Variants in RELN observed in about 807,000 individuals in gnomAD.
RELN encodes reelin.
A neutral mutation model predicts 427.6 loss-of-function variants in RELN; 108 were observed. The ratio of observed to expected loss-of-function variants is 0.25; its 90% CI spans 0.22 to 0.30. The LOEUF is 0.30. Ranked by LOEUF, RELN falls within the 10% of genes least tolerant of loss-of-function variation. The pLI, the probability that RELN is intolerant of heterozygous loss-of-function variation, is 1.00. For missense variants in RELN, 3,715 were observed against 4,302.8 expected, an observed-to-expected ratio of 0.86 and a Z score of 3.82; for synonymous variants, 1,524 against 1,513.4, an observed-to-expected ratio of 1.01 and a Z score of -0.16.
chr7:103,868,463 T>C (rs1794252249), intron 2 of RELN, among the ~76,000 whole-genome samples: 1 of 152,118 alleles, frequency 6.6e-6, no homozygotes, highest in Non-Finnish European at 1.5e-5. Flanking sequence ...TGAAATTGTT[T>C]CCACATCATT....
At chr7:103,916,915 A>G (rs917024765) in intron 2 of RELN, among the ~76,000 whole-genome samples, 160 bp downstream of exon 2, 12 of 152,142 alleles carry the variant, frequency 7.9e-5, no homozygotes, top group African/African-American at 2.9e-4. Context: ...ACTTATTTCA[A>G]TTCACCCAAC....
intron 7 of RELN, among the ~76,000 whole-genome samples, chr7:103,726,537 G>A (rs1334637358): frequency 1.3e-5 from 2 of 151,876 alleles, no homozygotes; most frequent in Admixed American, 1.3e-4. Context: ...AAATAAACGG[G>A]GATATAGTGA....
chr7:103,503,195 G>A lies in RELN; in HGVS notation c.8310C>T (p.Ala2770=), dbSNP rs1829093003. ...SVGCKVSEKI[A]QNQIHVQYST... is the part of the protein sequence containing the mutation. ...AATACTGCACATGAATTTGATTCTG[G>A]GCAATTTTTTCAGACACCTTACATC... is the stretch of plus-strand genomic sequence containing the variant. Residue 2770 remains alanine (A), a synonymous_variant, in exon 52 of 65, where the codon GCC becomes GCT. Coordinates refer to ENST00000428762, the MANE Select transcript of RELN (RefSeq NM_005045.4). 1.2e-6 allele frequency: 2 copies of A among 1,613,954 alleles called. No individual in the cohort carries two copies.
At chr7:103,921,748 C>T (rs912549617) in intron 1 of RELN, among the ~76,000 whole-genome samples, 2 of 152,162 alleles carry the variant, frequency 1.3e-5, no homozygotes, top group African/African-American at 4.8e-5. Flanking sequence ...CAAATTTCTC[C>T]ATTTCAGCTG....
rs183321020 is a variant in RELN, at chr7:103,872,785, G to C, written c.338-39113C>G. On this transcript the variant is annotated intron_variant, in intron 2 of 64. Coordinates refer to ENST00000428762, the MANE Select transcript of RELN (RefSeq NM_005045.4). ...CTGGTGTGAGATGGTATCTCATAGT[G>C]GTTTTGATTTGCATTTCTCTGATGG... Among the ~76,000 whole-genome samples the C allele has an allele frequency of 1.8e-3, 264 of 149,440 alleles. 2 individuals are homozygous for C. The highest frequency in any genetic ancestry group is 5.5e-3 in the Admixed American group (83 of 14,966).
intron 4 of RELN, among the ~76,000 whole-genome samples, chr7:103,772,460 G>C (rs1791593388): frequency 6.6e-6 from 1 of 152,210 alleles, no homozygotes; most frequent in Non-Finnish European, 1.5e-5. Context: ...GTGAAGATTA[G>C]ATGAGTGCTT....
At chr7:103,741,859 C>T (rs184507095) in intron 6 of RELN, among the ~76,000 whole-genome samples, 1 of 152,158 alleles carries the variant, frequency 6.6e-6, no homozygotes, top group Non-Finnish European at 1.5e-5. Context: ...CAGCTCCCAG[C>T]GTGAGCGACG....
chr7:103,635,630 T>A (rs1484328983), intron 18 of RELN, 44 bp from the exon 19 acceptor site: 2 of 1,516,444 alleles, frequency 1.3e-6, no homozygotes, highest in Non-Finnish European at 9.1e-7. Context: ...TAAACATTTT[T>A]AATCATAATG....
At chr7:103,852,872 A>T (rs1279395079) in intron 2 of RELN, among the ~76,000 whole-genome samples, 3 of 152,036 alleles carry the variant, frequency 2.0e-5, no homozygotes, top group African/African-American at 7.2e-5. Flanking sequence ...AATATATTTC[A>T]TCATGTTTGC....
intron 1 of RELN, among the ~76,000 whole-genome samples, chr7:103,933,537 G>T (rs952474096): frequency 2.0e-5 from 3 of 151,592 alleles, no homozygotes; most frequent in African/African-American, 7.3e-5. Context: ...AGGGAGGGAG[G>T]GAAGGAAGGC....
At chr7:103,667,312 T>C (rs1278946660) in intron 11 of RELN, among the ~76,000 whole-genome samples, 5 of 152,242 alleles carry the variant, frequency 3.3e-5, no homozygotes, top group Non-Finnish European at 4.4e-5. Flanking sequence ...AAGGACGATG[T>C]CATCTTTCAA....
chr7:103,959,114 C>T (rs12666126), intron 1 of RELN, among the ~76,000 whole-genome samples: 16,319 of 150,278 alleles, frequency 0.11, 995 homozygotes, highest in Middle Eastern at 0.2. Flanking sequence ...GGCTAATTTT[C>T]GTATTTTTAG....
At chr7:103,647,410 C>T (rs373609505) in intron 16 of RELN, among the ~76,000 whole-genome samples, 22 of 151,332 alleles carry the variant, frequency 1.5e-4, no homozygotes, top group Non-Finnish European at 2.8e-4. Context: ...TTATATATAA[C>T]GATAATAAAC....
chr7:103,788,346 A>C (rs530295530), intron 3 of RELN, among the ~76,000 whole-genome samples: 78 of 152,338 alleles, frequency 5.1e-4, no homozygotes, highest in African/African-American at 1.7e-3. Flanking sequence ...CAGGGTAATC[A>C]GGCAAGACAA....
In RELN at chr7:103,491,820, A is replaced by G. The variant is rs1386028624; in HGVS notation, c.9443+133T>C. 11 of 669,394 alleles carry G rather than the reference A, an allele frequency of 1.6e-5. No homozygotes were observed. The East Asian group carries it at 3.4e-4, about 21-fold the overall frequency. 41.5% of individuals were successfully genotyped at this position (669,394 alleles called of 1,614,324 possible). On this transcript the variant is annotated intron_variant, in intron 58 of 64. Coordinates refer to ENST00000428762, the MANE Select transcript of RELN (RefSeq NM_005045.4). ...CTCCAGCCTGGGCAACAAGAGCGAA[A>G]CTGTCTCTCTCTCTCTCTCTCTCTC...
Position 103,824,894 on chromosome 7 carries a change from G to C in RELN, c.473+8643C>G, listed in dbSNP as rs1793097528. Among the ~76,000 whole-genome samples the C allele has an allele frequency of 6.6e-6, 1 of 151,928 alleles. No homozygotes were observed. The highest frequency in any genetic ancestry group is 2.1e-4 in the South Asian group (1 of 4,824). ...AATACTAATTTTTAAAAGAAATATA[G>C]AGTGGTAGTATAGGATGGTGGTTTA... On this transcript the variant is annotated intron_variant, in intron 3 of 64. Transcript: ENST00000428762. This position sits in a 1 kb window ranked among gnomAD's most constrained non-coding sequence, Gnocchi z 4.4.
chr7:103,888,866 C>A (rs993236472), intron 2 of RELN, among the ~76,000 whole-genome samples: 2 of 152,182 alleles, frequency 1.3e-5, no homozygotes, highest in African/African-American at 4.8e-5. Flanking sequence ...CAGATCCCAA[C>A]CACTTGCACT....
At chr7:103,882,306 C>T (rs1794625151) in intron 2 of RELN, among the ~76,000 whole-genome samples, 1 of 152,118 alleles carries the variant, frequency 6.6e-6, no homozygotes, top group South Asian at 2.1e-4. Context: ...AATTCAACTG[C>T]TACAAACCCT....
intron 2 of RELN, among the ~76,000 whole-genome samples, chr7:103,869,847 T>C (rs1794286519): frequency 6.6e-6 from 1 of 152,288 alleles, no homozygotes; most frequent in East Asian, 1.9e-4. Context: ...TATCCAACTT[T>C]AATTCTCTGT....
Sources: gnomAD v4.1 joint callset for allele counts (sites outside exome capture counted in the v4.1 genomes callset) on GRCh38, gnomAD v4.1.1 for gene constraint, Gnocchi (gnomAD v3.1) non-coding constraint, MANE v1.5 for transcripts, NCBI Gene and HGNC (gene_info 2026-07-23, HGNC 2026-07-21) for gene names.